TCF4: variants seen among roughly 807,000 people sequenced by gnomAD.
TCF4 encodes SL3-3 enhancer factor 2.
Under a neutral mutation model 82.1 loss-of-function variants are expected in TCF4, and 3 were observed. The ratio of observed to expected loss-of-function variants is 0.04; its 90% confidence interval spans 0.02 to 0.09. The LOEUF is 0.09. Among genes scored for constraint, TCF4 ranks in the 10% least tolerant of loss-of-function variants. The pLI is 1.00. For synonymous variants in TCF4, 276 were observed against 309.6 expected (o/e 0.89, Z 1.14); for missense variants, 518 against 852.7 (o/e 0.61, Z 4.89).
At chr18:55,584,853 T>A (rs765489670) in intron 3 of TCF4, among the ~76,000 whole-genome samples, 1 of 152,208 alleles carries the variant, frequency 6.6e-6, no homozygotes, top group Admixed American at 6.5e-5. Flanking sequence ...TAAGTGTTCA[T>A]TTCTTTAAAA....
Position 55,239,228 on chromosome 18 carries a change from A to G in TCF4, c.1351-4545T>C, listed in dbSNP as rs144136672. Reference sequence around the variant, plus strand: ...TTAGTTTCCAAGAAAGGGCTTGACAAACTGATAGAAACACTTTTAAATCAC... The same window carrying G: ...TTAGTTTCCAAGAAAGGGCTTGACAGACTGATAGAAACACTTTTAAATCAC... On this transcript the variant is annotated intron_variant, in intron 15 of 19. Coordinates refer to ENST00000354452, the MANE Select transcript of TCF4 (RefSeq NM_001083962.2). 3.3e-4 allele frequency among the ~76,000 whole-genome samples: 51 copies of G among 152,354 alleles called. 1 individual carries two copies. The highest frequency in any genetic ancestry group is 1.2e-3 in the African/African-American group (49 of 41,576).
At chr18:55,627,678 T>C (rs1397934871) in intron 2 of TCF4, among the ~76,000 whole-genome samples, 1 of 151,718 alleles carries the variant, frequency 6.6e-6, no homozygotes, top group Admixed American at 6.6e-5. Flanking sequence ...GGCAGGACAA[T>C]TGCTTGAACC....
intron 8 of TCF4, among the ~76,000 whole-genome samples, chr18:55,301,563 G>A (rs754665245): frequency 2.0e-5 from 3 of 151,952 alleles, no homozygotes; most frequent in Non-Finnish European, 4.4e-5. Flanking sequence ...CTAAACACAC[G>A]CAACGGCTCT....
At chr18:55,421,715 C>T (rs2094765279) in intron 5 of TCF4, among the ~76,000 whole-genome samples, 1 of 151,998 alleles carries the variant, frequency 6.6e-6, no homozygotes, top group South Asian at 2.1e-4. Flanking sequence ...CATTTTTTAA[C>T]CTAAAGATCA....
In TCF4 at chr18:55,321,334, G is replaced by A. The variant is rs574099156; in HGVS notation, c.549+29025C>T. The A allele has an allele frequency of 4.0e-4, 118 of 297,490 alleles. No individual in the cohort carries two copies. The East Asian group carries it at 7.4e-3, about 19-fold the overall frequency. The allele number at this position is 297,490 out of a possible 1,614,324, so 18.4% of individuals were successfully genotyped here. ...GCTTTTCCTTTCTAACAGTCATTTGGAAGGAATAAGAATTTTCCAAAACTC... is the reference window on the plus strand; with the variant it reads ...GCTTTTCCTTTCTAACAGTCATTTGAAAGGAATAAGAATTTTCCAAAACTC... On this transcript the variant is annotated intron_variant, in intron 8 of 19. Transcript: ENST00000354452.
At chr18:55,496,297 T>A (rs906990397) in intron 3 of TCF4, 12 of 152,072 alleles carry the variant, frequency 7.9e-5, no homozygotes, top group African/African-American at 2.9e-4. Flanking sequence ...GAAGCTTATC[T>A]AAATTATAAA....
At chr18:55,502,977 T>C (rs74740275) in intron 3 of TCF4, among the ~76,000 whole-genome samples, 1 of 152,330 alleles carries the variant, frequency 6.6e-6, no homozygotes, top group East Asian at 1.9e-4. Flanking sequence ...TTCTAAAATA[T>C]CTACAGTTGA....
Position 55,232,556 on chromosome 18 carries a change from T to G in TCF4, c.1602A>C (p.Leu534Phe), listed in dbSNP as rs1236437040. ...QDTKSSEDKK[L>F]DDDKKDIKSI... ...ATTTGATATCCTTCTTGTCGTCATCTAATTTCTTGTCCTCCGAAGATTTCG... is the reference window on the plus strand; with the variant it reads ...ATTTGATATCCTTCTTGTCGTCATCGAATTTCTTGTCCTCCGAAGATTTCG... Residue 534 changes from leucine (L) to phenylalanine (F), a missense_variant, in exon 17 of 20, where the codon TTA becomes TTC. Coordinates refer to ENST00000354452, the MANE Select transcript of TCF4 (RefSeq NM_001083962.2). 1 of 1,614,246 alleles carries G rather than the reference T, an allele frequency of 6.2e-7. No individual in the cohort carries two copies. The highest frequency in any genetic ancestry group is 2.2e-5 in the East Asian group (1 of 44,892).
intron 6 of TCF4, among the ~76,000 whole-genome samples, chr18:55,363,719 T>C (rs998569314): frequency 6.6e-6 from 1 of 152,046 alleles, no homozygotes; most frequent in African/African-American, 2.4e-5. Flanking sequence ...GGCAGAAGAA[T>C]CGCCTGAACC....
intron 3 of TCF4, among the ~76,000 whole-genome samples, chr18:55,508,681 C>CGGA (rs2096791505): frequency 6.6e-6 from 1 of 152,124 alleles, no homozygotes; most frequent in Admixed American, 6.6e-5. Flanking sequence ...CCATGCTTTC[C>CGGA]AGCCCACCCT....
At chr18:55,355,479 A>G (rs1161146000) in intron 6 of TCF4, among the ~76,000 whole-genome samples, 2 of 152,166 alleles carry the variant, frequency 1.3e-5, no homozygotes, top group Non-Finnish European at 2.9e-5. Context: ...TTACTACAGT[A>G]GCAGGAGGGG....
chr18:55,426,900 C>T (rs931076921), intron 5 of TCF4, among the ~76,000 whole-genome samples: 1 of 152,032 alleles, frequency 6.6e-6, no homozygotes, highest in African/African-American at 2.4e-5. Context: ...AGTGTGTCTA[C>T]CAACCAGTGT....
chr18:55,479,637 C>G (rs1376312303), intron 3 of TCF4, among the ~76,000 whole-genome samples: 1 of 152,112 alleles, frequency 6.6e-6, no homozygotes, highest in Non-Finnish European at 1.5e-5. Flanking sequence ...CTTTGATCAG[C>G]CTGATGCCAA....
chr18:55,463,249 A>C (rs2095909447), intron 4 of TCF4, among the ~76,000 whole-genome samples: 1 of 152,218 alleles, frequency 6.6e-6, no homozygotes, highest in Non-Finnish European at 1.5e-5. Context: ...TTCATACAAA[A>C]TCATGAATAT....
chr18:55,256,846 A>C (rs1021089754), intron 14 of TCF4, among the ~76,000 whole-genome samples: 3 of 151,870 alleles, frequency 2.0e-5, no homozygotes, highest in African/African-American at 7.3e-5. Context: ...TCAGCAATTC[A>C]CTCCTGGAAG....
intron 8 of TCF4, among the ~76,000 whole-genome samples, chr18:55,334,693 G>C (rs983273241): frequency 6.6e-6 from 1 of 152,020 alleles, no homozygotes; most frequent in Non-Finnish European, 1.5e-5. Context: ...AATTATTACT[G>C]GGCCAACCTG....
chr18:55,288,545 C>T (rs1844421055), intron 8 of TCF4, among the ~76,000 whole-genome samples: 1 of 152,194 alleles, frequency 6.6e-6, no homozygotes, highest in African/African-American at 2.4e-5. Flanking sequence ...ACTAAGAATT[C>T]TCTCCGCGGT....
At chr18:55,489,732 C>T (rs923190374) in intron 3 of TCF4, among the ~76,000 whole-genome samples, 1 of 152,142 alleles carries the variant, frequency 6.6e-6, no homozygotes, top group African/African-American at 2.4e-5. Context: ...TGAAACAGAC[C>T]TAGAAATCCT....
At chr18:55,451,323 C>G (rs2095618838) in intron 5 of TCF4, among the ~76,000 whole-genome samples, 1 of 152,218 alleles carries the variant, frequency 6.6e-6, no homozygotes, top group South Asian at 2.1e-4. Flanking sequence ...ATCACCACAT[C>G]TTTCTCAGTG....
Sources: allele counts gnomAD v4.1 joint callset (sites outside exome capture counted in the v4.1 genomes callset), GRCh38; gene constraint gnomAD v4.1.1; transcripts MANE v1.5; gene names NCBI Gene and HGNC (gene_info 2026-07-23, HGNC 2026-07-21).